Variants in CA10 observed in about 807,000 individuals in gnomAD.
The protein encoded by CA10 is carbonic anhydrase 10 (inactive), also known as carbonic anhydrase-related protein 10.
CA10 carries 14 observed loss-of-function variants against 44.2 expected under a neutral mutation model. The observed-to-expected ratio is 0.32, with a 90% CI of 0.21 to 0.50. CA10 has a LOEUF of 0.50. CA10 is among the 20% of genes least tolerant of loss of function. The pLI, the probability that CA10 is intolerant of heterozygous loss-of-function variation, is 0.99. For missense variants in CA10, 350 were observed against 409.7 expected, an observed-to-expected ratio of 0.85 and a Z score of 1.26; for synonymous variants, 159 against 141.6, an observed-to-expected ratio of 1.12 and a Z score of -0.87.
intron 3 of CA10, among the ~76,000 whole-genome samples, chr17:51,845,392 G>T (rs1320670913): frequency 1.3e-5 from 2 of 152,310 alleles, no homozygotes; most frequent in Middle Eastern, 3.4e-3. Context: ...CCATGGTGAG[G>T]AACTGAGCCT....
At chr17:51,904,128 A>G (rs1272328403) in intron 3 of CA10, among the ~76,000 whole-genome samples, 1 of 151,692 alleles carries the variant, frequency 6.6e-6, no homozygotes, top group Non-Finnish European at 1.5e-5. Flanking sequence ...GGATGCAAGA[A>G]TTTCAGTGTT....
intron 4 of CA10, among the ~76,000 whole-genome samples, chr17:51,740,888 C>T (rs1403726612): frequency 6.6e-6 from 1 of 152,180 alleles, no homozygotes; most frequent in Non-Finnish European, 1.5e-5. Flanking sequence ...TCACTCCTTC[C>T]ACTCCTCATT....
At chr17:51,878,780 GACAA>G (rs1980203292) in intron 3 of CA10, among the ~76,000 whole-genome samples, 1 of 136,430 alleles carries the variant, frequency 7.3e-6, no homozygotes, top group Admixed American at 7.6e-5. Flanking sequence ...TTCATTCACT[GACAA>G]ACAGGGTGCT....
intron 3 of CA10, among the ~76,000 whole-genome samples, chr17:51,845,907 C>T (rs1285135101): frequency 6.6e-6 from 1 of 152,216 alleles, no homozygotes; most frequent in Non-Finnish European, 1.5e-5. Context: ...TTGAGAAATG[C>T]TCATGGACAT....
chr17:51,983,803 T>G (rs903976636), intron 2 of CA10, among the ~76,000 whole-genome samples: 1 of 151,762 alleles, frequency 6.6e-6, no homozygotes, highest in African/African-American at 2.4e-5. Context: ...CACACTGTCA[T>G]GATTGGAGAT....
At chr17:52,144,863 C>T (rs894089595) in intron 1 of CA10, among the ~76,000 whole-genome samples, 2 of 152,140 alleles carry the variant, frequency 1.3e-5, no homozygotes, top group Non-Finnish European at 2.9e-5. Flanking sequence ...CACCAGGCTC[C>T]ATTTTTTTTA....
chr17:51,706,717 T>C (rs1320529209), intron 4 of CA10, among the ~76,000 whole-genome samples: 5 of 152,132 alleles, frequency 3.3e-5, no homozygotes, highest in African/African-American at 4.8e-5. Context: ...CCTTCAGGAT[T>C]CCACATTAGC....
At chr17:51,894,004 T>C (rs1015170653) in intron 3 of CA10, among the ~76,000 whole-genome samples, 1 of 152,124 alleles carries the variant, frequency 6.6e-6, no homozygotes, top group Admixed American at 6.6e-5. Context: ...TCCCATTAAA[T>C]GACATAAGAT....
intron 2 of CA10, among the ~76,000 whole-genome samples, chr17:52,040,384 T>C (rs1430494892): frequency 6.6e-6 from 1 of 152,098 alleles, no homozygotes; most frequent in Non-Finnish European, 1.5e-5. Context: ...AGCAATTTGC[T>C]CTCTGTTTTT....
chr17:51,648,695 C>T (rs1288100766), intron 6 of CA10, among the ~76,000 whole-genome samples: 2 of 152,192 alleles, frequency 1.3e-5, no homozygotes, highest in African/African-American at 2.4e-5. Context: ...GAGTCCTCTA[C>T]ATCCATGGGC....
chr17:51,879,027 C>A (rs1054650762), intron 3 of CA10, among the ~76,000 whole-genome samples: 1 of 149,994 alleles, frequency 6.7e-6, no homozygotes, highest in Admixed American at 6.7e-5. Flanking sequence ...TTATTGTTTT[C>A]ATTTTTAAAT....
intron 5 of CA10, among the ~76,000 whole-genome samples, chr17:51,650,675 T>C (rs1337296095): frequency 6.6e-6 from 1 of 152,240 alleles, no homozygotes; most frequent in Admixed American, 6.5e-5. Context: ...CTCCTGGTGC[T>C]GATGCACCCC....
At chr17:51,887,723 G>A (rs1489794377) in intron 3 of CA10, among the ~76,000 whole-genome samples, 1 of 151,970 alleles carries the variant, frequency 6.6e-6, no homozygotes, top group East Asian at 1.9e-4. Flanking sequence ...AGCACTTTGG[G>A]AGGCTAGCTT....
chr17:52,149,395 T>C (rs1243201537), intron 1 of CA10, among the ~76,000 whole-genome samples: 3 of 152,224 alleles, frequency 2.0e-5, no homozygotes, highest in Non-Finnish European at 4.4e-5. Context: ...TCCACTGCCA[T>C]CCTGATGGCC....
intron 3 of CA10, among the ~76,000 whole-genome samples, chr17:51,794,130 G>A (rs1268891198): frequency 1.3e-5 from 2 of 152,250 alleles, no homozygotes; most frequent in African/African-American, 2.4e-5. Context: ...AAAGGCCCAT[G>A]GAGAGAAGTT....
intron 3 of CA10, among the ~76,000 whole-genome samples, chr17:51,909,551 A>T (rs1049875282): frequency 6.6e-6 from 1 of 152,168 alleles, no homozygotes; most frequent in African/African-American, 2.4e-5. Context: ...ATCCTTTATA[A>T]GAACAAAATT....
intron 2 of CA10, among the ~76,000 whole-genome samples, chr17:52,044,523 C>T (rs936186355): frequency 5.3e-5 from 8 of 152,056 alleles, no homozygotes; most frequent in East Asian, 3.9e-4. Flanking sequence ...AGGCTGGTCT[C>T]GGACTCCTGA....
At chr17:51,950,042 A>G (rs1983424028) in intron 2 of CA10, among the ~76,000 whole-genome samples, 1 of 152,152 alleles carries the variant, frequency 6.6e-6, no homozygotes, top group Non-Finnish European at 1.5e-5. Flanking sequence ...GTACCCTCCA[A>G]GACACTGAAT....
At chr17:52,095,569 T>A (rs569599659) in intron 1 of CA10, among the ~76,000 whole-genome samples, 12 of 152,296 alleles carry the variant, frequency 7.9e-5, no homozygotes, top group African/African-American at 2.9e-4. Context: ...AGAATTTATA[T>A]GATCTATCCA....
Sources: gnomAD v4.1 joint callset for allele counts (sites outside exome capture counted in the v4.1 genomes callset) on GRCh38, gnomAD v4.1.1 for gene constraint, MANE v1.5 for transcripts, NCBI Gene and HGNC (gene_info 2026-07-23, HGNC 2026-07-21) for gene names.